The following OPCML variants were observed in gnomAD, a reference collection of about 807,000 sequenced individuals.
OPCML encodes opioid-binding protein/cell adhesion molecule.
OPCML carries 13 observed loss-of-function variants against 37.8 expected under a neutral mutation model. The ratio of observed to expected loss-of-function variants is 0.34; its 90% CI spans 0.22 to 0.55. The LOEUF is 0.55. OPCML is among the 20% of genes least tolerant of loss of function. The probability of loss-of-function intolerance (pLI) is 0.91; values close to 1 mark genes in which losing one functional copy is unlikely to be tolerated. For synonymous variants in OPCML, 176 were observed against 168.8 expected, an observed-to-expected ratio of 1.04 and a Z score of -0.33; for missense variants, 341 against 435.6, an observed-to-expected ratio of 0.78 and a Z score of 1.93.
chr11:133,417,951 A>AG (rs1273573789), intron 1 of OPCML, among the ~76,000 whole-genome samples: 5 of 152,184 alleles, frequency 3.3e-5, no homozygotes, highest in African/African-American at 9.6e-5. Flanking sequence ...GGAAAAAAAA[A>AG]CAGAAAAGCA....
chr11:132,439,929 T>C (rs1020535801), intron 4 of OPCML, among the ~76,000 whole-genome samples: 2 of 152,218 alleles, frequency 1.3e-5, no homozygotes, highest in Admixed American at 6.5e-5. Context: ...CAGATCATGC[T>C]GCTTGGTGGA....
At chr11:132,715,845 G>GAT in intron 2 of OPCML, among the ~76,000 whole-genome samples, 1 of 152,148 alleles carries the variant, frequency 6.6e-6, no homozygotes, top group East Asian at 1.9e-4. Flanking sequence ...AGTCTACTGG[G>GAT]ATAATGATAC....
chr11:132,925,169 C>T (rs1190304977), intron 2 of OPCML, among the ~76,000 whole-genome samples: 1 of 152,190 alleles, frequency 6.6e-6, no homozygotes, highest in Non-Finnish European at 1.5e-5. Context: ...TCACTTCTTG[C>T]ATGTTGTCCA....
At chr11:133,497,913 CGA>C (rs1192121078) in intron 1 of OPCML, among the ~76,000 whole-genome samples, 1 of 152,198 alleles carries the variant, frequency 6.6e-6, no homozygotes, top group African/African-American at 2.4e-5. Context: ...GCAAGTGAAT[CGA>C]GAGACAGTGC....
intron 2 of OPCML, among the ~76,000 whole-genome samples, chr11:132,917,422 G>GT (rs11429908): frequency 0.25 from 37,276 of 152,006 alleles, 7,948 homozygotes; most frequent in African/African-American, 0.57. Context: ...TAGTTAGCAT[G>GT]TTTTTCTGCT....
intron 2 of OPCML, among the ~76,000 whole-genome samples, chr11:132,688,261 C>T (rs1443487165): frequency 1.3e-5 from 2 of 151,798 alleles, no homozygotes; most frequent in Non-Finnish European, 2.9e-5. Flanking sequence ...ACATATTCTT[C>T]GCAAAGAAAA....
chr11:133,331,816 T>C (rs1943625250), intron 1 of OPCML, among the ~76,000 whole-genome samples: 1 of 152,198 alleles, frequency 6.6e-6, no homozygotes, highest in Non-Finnish European at 1.5e-5. Context: ...TTCCTGTATT[T>C]GATTTACATT....
rs369818540 is a variant in OPCML, at chr11:133,378,515, G to A, written c.61+153749C>T. On this transcript the variant is annotated intron_variant, in intron 1 of 7. Transcript: ENST00000524381. The stretch of plus-strand genomic sequence containing the variant: ...TCAGATCTTTCTCATCCCATACCCC[G>A]GCAAATTTTAAAGTAATTTAAAATA... Among the ~76,000 whole-genome samples the A allele has an allele frequency of 2.0e-4, 31 of 151,952 alleles. No homozygotes were observed. In the South Asian group the frequency reaches 5.2e-3, roughly 26 times the overall value.
intron 1 of OPCML, among the ~76,000 whole-genome samples, chr11:133,388,792 AT>A (rs1945110206): frequency 6.6e-6 from 1 of 152,198 alleles, no homozygotes; most frequent in African/African-American, 2.4e-5. Flanking sequence ...AACCCAGGTT[AT>A]GAGGCTGAAT....
chr11:133,363,901 T>C (rs1235976838), intron 1 of OPCML, among the ~76,000 whole-genome samples: 1 of 152,152 alleles, frequency 6.6e-6, no homozygotes, highest in Admixed American at 6.5e-5. Context: ...CTCAAAGGTA[T>C]ACTCCAATCT....
chr11:133,447,829 C>G (rs750066489), intron 1 of OPCML, among the ~76,000 whole-genome samples: 11 of 152,188 alleles, frequency 7.2e-5, no homozygotes, highest in Non-Finnish European at 1.3e-4. Context: ...CAGTGATGAA[C>G]ATACAATGCA....
At chr11:133,159,813 A>G (rs562934687) in intron 1 of OPCML, among the ~76,000 whole-genome samples, 6 of 152,326 alleles carry the variant, frequency 3.9e-5, no homozygotes, top group Non-Finnish European at 7.3e-5. Context: ...CTATTCCAGC[A>G]TCACAGCCCA....
chr11:132,941,084 C>T lies in OPCML; in HGVS notation c.146+1842G>A, dbSNP rs1565355911. Among the ~76,000 whole-genome samples, 4 of 151,954 alleles carry T rather than the reference C, an allele frequency of 2.6e-5. No homozygotes were observed. The South Asian group carries it at 8.3e-4, about 32-fold the overall frequency. On this transcript the variant is annotated intron_variant, in intron 2 of 7. Coordinates refer to ENST00000524381, the MANE Select transcript of OPCML (RefSeq NM_001012393.5). ...GTTATGCTAGAACATGTAAGTTGTT[C>T]TTTTTTTCTGCAAAGAACAAAAAGC...
At chr11:133,229,538 G>A (rs1175605082) in intron 1 of OPCML, among the ~76,000 whole-genome samples, 2 of 151,824 alleles carry the variant, frequency 1.3e-5, no homozygotes, top group Non-Finnish European at 2.9e-5. Flanking sequence ...AAAAAGAAAA[G>A]GGCTCCCAAT....
chr11:132,746,004 A>T (rs950615621), intron 2 of OPCML, among the ~76,000 whole-genome samples: 3 of 152,202 alleles, frequency 2.0e-5, no homozygotes, highest in Admixed American at 2.0e-4. Context: ...CCCTGGGGAC[A>T]GCTGGACAGG....
intron 4 of OPCML, among the ~76,000 whole-genome samples, chr11:132,444,117 T>G (rs2096046208): frequency 6.6e-6 from 1 of 152,062 alleles, no homozygotes; most frequent in Non-Finnish European, 1.5e-5. Context: ...GACCCAGGTA[T>G]CAGGCCAGGG....
chr11:132,797,024 T>C (rs551101929), intron 2 of OPCML, among the ~76,000 whole-genome samples: 1 of 152,340 alleles, frequency 6.6e-6, no homozygotes, highest in African/African-American at 2.4e-5. Context: ...TTAACAAATA[T>C]ATGATTTGCA....
chr11:132,698,491 T>G (rs1002024845), intron 2 of OPCML, among the ~76,000 whole-genome samples: 4 of 152,208 alleles, frequency 2.6e-5, no homozygotes, highest in African/African-American at 9.6e-5. Flanking sequence ...TAAGGTTTTA[T>G]TTTCTTGTCA....
intron 1 of OPCML, among the ~76,000 whole-genome samples, chr11:133,438,708 C>A (rs889341316): frequency 2.6e-5 from 4 of 152,124 alleles, no homozygotes; most frequent in Non-Finnish European, 4.4e-5. Context: ...GGGCTGCTTG[C>A]CAGGAAGACC....
Sources: gnomAD v4.1 joint callset for allele counts (sites outside exome capture counted in the v4.1 genomes callset) on GRCh38, gnomAD v4.1.1 for gene constraint, MANE v1.5 for transcripts, NCBI Gene and HGNC (gene_info 2026-07-23, HGNC 2026-07-21) for gene names.